The following PLEKHA6 variants were observed in gnomAD, a reference collection of about 807,000 sequenced individuals.
The protein encoded by PLEKHA6 is pleckstrin homology domain containing A6.
Under a neutral mutation model 116.7 loss-of-function variants are expected in PLEKHA6, and 60 were observed. The observed-to-expected ratio is 0.51, with a 90% CI of 0.42 to 0.64. PLEKHA6 has a LOEUF of 0.64. Ranked by LOEUF, PLEKHA6 falls within the 30% of genes least tolerant of loss-of-function variation. The pLI is 0.00. For synonymous variants in PLEKHA6, 489 were observed against 556.1 expected (o/e 0.88, Z 1.70); for missense variants, 1,338 against 1,422.7 (o/e 0.94, Z 0.96).
chr1:204,337,157 A>G (rs908917135), intron 1 of PLEKHA6, among the ~76,000 whole-genome samples: 1 of 152,212 alleles, frequency 6.6e-6, no homozygotes, highest in African/African-American at 2.4e-5. Flanking sequence ...CCATATATCA[A>G]TGGCCAGGCA....
chr1:204,355,525 C>T (rs549017685), intron 1 of PLEKHA6, among the ~76,000 whole-genome samples: 17 of 152,226 alleles, frequency 1.1e-4, no homozygotes, highest in African/African-American at 2.9e-4. Flanking sequence ...CTGCAACCTC[C>T]GCCTCCTGGG....
At chr1:204,280,916 A>G (rs529592988) in intron 1 of PLEKHA6, 6 of 603,748 alleles carry the variant, frequency 9.9e-6, no homozygotes, top group Admixed American at 1.3e-4. Flanking sequence ...GCCACTTCTC[A>G]TCAGAGGCCC....
intron 1 of PLEKHA6, among the ~76,000 whole-genome samples, chr1:204,314,658 T>G (rs1671786877): frequency 6.6e-6 from 1 of 152,164 alleles, no homozygotes; most frequent in African/African-American, 2.4e-5. Context: ...GAATCCTCCT[T>G]AACTTCTTCT....
At position 204,250,216 on chromosome 1, in the gene PLEKHA6, C is replaced by G. The variant is rs540782815; in HGVS notation, c.1593+330G>C. On this transcript the variant is annotated intron_variant, in intron 10 of 22. Transcript: ENST00000272203. ...AGAATAGACTGACTGATCTATCTCC[C>G]AACAAAGTCTGCATTCATGTTACAA... Among the ~76,000 whole-genome samples the G allele has an allele frequency of 3.0e-4, 46 of 152,320 alleles. No individual in the cohort carries two copies. The East Asian group carries it at 8.7e-3, about 29-fold the overall frequency.
At chr1:204,370,588 A>G (rs1673755267) in intron 2 of PLEKHA6, among the ~76,000 whole-genome samples, 1 of 151,952 alleles carries the variant, frequency 6.6e-6, no homozygotes. Context: ...TTGTTTCTTC[A>G]TTTCTGACCT....
intron 1 of PLEKHA6, among the ~76,000 whole-genome samples, chr1:204,376,410 G>A (rs1422341391): frequency 6.6e-6 from 1 of 152,196 alleles, no homozygotes; most frequent in Non-Finnish European, 1.5e-5. Context: ...TAATATTGCA[G>A]AGGTTCTGTT....
intron 5 of PLEKHA6, among the ~76,000 whole-genome samples, chr1:204,266,619 T>C (rs570617088): frequency 1.3e-5 from 2 of 152,118 alleles, no homozygotes; most frequent in South Asian, 4.1e-4. Flanking sequence ...GTGGCTGCAA[T>C]ACAGCAACCA....
chr1:204,234,829 C>T (rs1408290340), intron 17 of PLEKHA6, among the ~76,000 whole-genome samples: 2 of 151,408 alleles, frequency 1.3e-5, no homozygotes, highest in Non-Finnish European at 2.9e-5. Flanking sequence ...TGCTTCCTGC[C>T]CTCGAACATC....
intron 17 of PLEKHA6, among the ~76,000 whole-genome samples, chr1:204,233,289 C>G (rs777653861): frequency 6.6e-6 from 1 of 150,928 alleles, no homozygotes; most frequent in Non-Finnish European, 1.5e-5. Context: ...ATCTTCCAGC[C>G]TAAGCCTCCT....
At chr1:204,330,148 C>T (rs1290445872) in intron 1 of PLEKHA6, among the ~76,000 whole-genome samples, 3 of 151,818 alleles carry the variant, frequency 2.0e-5, no homozygotes, top group Non-Finnish European at 4.4e-5. Context: ...TCTTAGAGTC[C>T]CTATCTTTAC....
At chr1:204,256,829 T>C in intron 9 of PLEKHA6, 3 of 656,086 alleles carry the variant, frequency 4.6e-6, no homozygotes, top group Non-Finnish European at 8.3e-6. Context: ...TGGGGGATGG[T>C]GGGTAGTTGT....
At chr1:204,309,388 C>T (rs1300233622) in intron 1 of PLEKHA6, among the ~76,000 whole-genome samples, 2 of 152,210 alleles carry the variant, frequency 1.3e-5, no homozygotes, top group Non-Finnish European at 2.9e-5. Context: ...TTCTGGTCAA[C>T]GATGGACCAC....
rs1184593560 is a variant in PLEKHA6 at position 204,238,724 on chromosome 1, AG to A, written c.2409+2650del. On this transcript the variant is annotated intron_variant, in intron 17 of 22. Transcript: ENST00000272203. This position sits in a 1 kb window ranked among gnomAD's most constrained non-coding sequence, Gnocchi z 4.2. ...GGGGAGTTCCCTATGATCAGTTGAC[AG>A]AGGAAGAGAAGACTGAGGCCTGGTT... Among the ~76,000 whole-genome samples, 1 of 152,198 alleles carries A rather than the reference AG, an allele frequency of 6.6e-6. No individual in the cohort carries two copies. The highest frequency in any genetic ancestry group is 2.4e-5 in the African/African-American group (1 of 41,448).
At position 204,228,589 on chromosome 1, in the gene PLEKHA6, G is replaced by A; in HGVS notation, c.2885+139C>T. 2.6e-6 allele frequency: 2 copies of A among 757,252 alleles called. No individual in the cohort carries two copies. The highest frequency in any genetic ancestry group is 2.2e-6 in the Non-Finnish European group (1 of 448,536). The allele number at this position is 757,252 out of a possible 1,614,324, so 46.9% of individuals were successfully genotyped here. ...CATCCTTGCCTCTGCCGGTAGCTGGGCCCTGTCTGCTGCCTGGAGTCACCA... is the reference window on the plus strand; with the variant it reads ...CATCCTTGCCTCTGCCGGTAGCTGGACCCTGTCTGCTGCCTGGAGTCACCA... On this transcript the variant is annotated intron_variant, in intron 20 of 22. Coordinates refer to ENST00000272203, the MANE Select transcript of PLEKHA6 (RefSeq NM_014935.5). The surrounding 1 kb of genome is among the most constrained non-coding windows in gnomAD (Gnocchi z 4.0).
chr1:204,279,632 T>G (rs1344331606), intron 1 of PLEKHA6, among the ~76,000 whole-genome samples: 1 of 152,196 alleles, frequency 6.6e-6, no homozygotes. Flanking sequence ...AAGGAGATTG[T>G]GCGGTGGAGG....
intron 1 of PLEKHA6, chr1:204,297,953 C>G (rs970834958): frequency 1.0e-6 from 1 of 963,192 alleles, no homozygotes; most frequent in African/African-American, 1.8e-5. Context: ...CCTCATATCT[C>G]TCCCCATTGA....
intron 4 of PLEKHA6, 51 bp downstream of exon 4, chr1:204,268,157 T>G: frequency 8.4e-7 from 1 of 1,185,034 alleles, no homozygotes; most frequent in South Asian, 1.3e-5. Flanking sequence ...ATCCTTATTC[T>G]GTGAGGAGAA....
chr1:204,281,567 A>C (rs79581676), intron 1 of PLEKHA6, among the ~76,000 whole-genome samples: 1 of 152,024 alleles, frequency 6.6e-6, no homozygotes, highest in Non-Finnish European at 1.5e-5. Context: ...TCTCTAAAAA[A>C]CAACAGAGCA....
At chr1:204,305,920 C>A (rs1380167099) in intron 1 of PLEKHA6, among the ~76,000 whole-genome samples, 1 of 152,198 alleles carries the variant, frequency 6.6e-6, no homozygotes, top group Non-Finnish European at 1.5e-5. Context: ...CGCATCACCT[C>A]TCATACATTT....
Sources: allele counts gnomAD v4.1 joint callset (sites outside exome capture counted in the v4.1 genomes callset), GRCh38; gene constraint gnomAD v4.1.1; non-coding constraint Gnocchi (gnomAD v3.1); transcripts MANE v1.5; gene names NCBI Gene and HGNC (gene_info 2026-07-23, HGNC 2026-07-21).